The following PTGR1 variants were observed in gnomAD, a reference collection of about 807,000 sequenced individuals.
PTGR1 encodes 15-oxoprostaglandin 13-reductase.
A neutral mutation model predicts 37.7 loss-of-function variants in PTGR1; 23 were observed. That is an observed-to-expected ratio of 0.61 (90% CI 0.44 to 0.86). PTGR1 has a LOEUF of 0.86. Among genes scored for constraint, PTGR1 ranks in the 40% least tolerant of loss-of-function variants. The pLI, the probability that PTGR1 is intolerant of heterozygous loss-of-function variation, is 0.00. For missense variants in PTGR1, 351 were observed against 394.3 expected, an observed-to-expected ratio of 0.89 and a Z score of 0.93; for synonymous variants, 134 against 140.0, an observed-to-expected ratio of 0.96 and a Z score of 0.30.
At chr9:111,569,543 T>A (rs1251018100) in intron 9 of PTGR1, among the ~76,000 whole-genome samples, 2 of 152,130 alleles carry the variant, frequency 1.3e-5, no homozygotes, top group Non-Finnish European at 2.9e-5. Flanking sequence ...TTTGGGAGAC[T>A]GAGGCGGGCG....
At position 111,586,139 on chromosome 9, in the gene PTGR1, A is replaced by G; in HGVS notation, c.236T>C (p.Leu79Pro). ...AKVVESKNVA[L>P]PKGTIVLASP... ...AGCCAGTACAATAGTTCCTTTTGGT[A>G]GGGCTACATTTTTACTTTCCACAAC... The change falls in exon 5 of 10, where the codon CTA (leucine) becomes CCA (proline). Residue 79 changes from leucine (L) to proline (P), a missense_variant. By Grantham distance (98) the Leu-to-Pro change is moderately conservative. Coordinates refer to ENST00000407693, the MANE Select transcript of PTGR1 (RefSeq NM_001146108.2). 1.2e-6 allele frequency: 2 copies of G among 1,614,170 alleles called. No homozygotes were observed. Among genetic ancestry groups the G allele is most frequent in the Non-Finnish European group, 1.7e-6 (2 of 1,180,008 alleles).
intron 1 of PTGR1, among the ~76,000 whole-genome samples, chr9:111,598,590 G>A (rs999085324): frequency 1.3e-5 from 2 of 152,180 alleles, no homozygotes; most frequent in African/African-American, 4.8e-5. Context: ...CGTCTCCCGG[G>A]TTCAAGCGGT....
At position 111,587,831 on chromosome 9, in the gene PTGR1, T is replaced by C. The variant is rs1055850514; in HGVS notation, c.210-1666A>G. On this transcript the variant is annotated intron_variant, in intron 4 of 9. Coordinates refer to ENST00000407693, the MANE Select transcript of PTGR1 (RefSeq NM_001146108.2). ...TATCTGTCAACATTACGTTGGTCTATATAATTTATACTTTTTTCCATGTTA... is the reference window on the plus strand; with the variant it reads ...TATCTGTCAACATTACGTTGGTCTACATAATTTATACTTTTTTCCATGTTA... Among the ~76,000 whole-genome samples the C allele has an allele frequency of 3.3e-5, 5 of 152,200 alleles. No individual in the cohort carries two copies. In the East Asian group the frequency reaches 7.7e-4, roughly 23 times the overall value.
intron 7 of PTGR1, among the ~76,000 whole-genome samples, chr9:111,575,974 T>G (rs1027910615): frequency 4.0e-5 from 6 of 151,532 alleles, no homozygotes; most frequent in Admixed American, 2.6e-4. Flanking sequence ...GGCAACATAG[T>G]GAGACTCCAT....
chr9:111,550,223 C>G (rs928645573), intron 9 of PTGR1, among the ~76,000 whole-genome samples: 15 of 152,192 alleles, frequency 9.9e-5, no homozygotes, highest in African/African-American at 3.6e-4. Context: ...CCTAGATACA[C>G]AGTTTTTTGA....
At chr9:111,559,460 CTCTGATACACCA>C (rs1828213048), downstream of PTGR1, among the ~76,000 whole-genome samples, 1 of 152,152 alleles carries the variant, frequency 6.6e-6, no homozygotes, top group African/African-American at 2.4e-5. Flanking sequence ...TGTTGTTGGG[CTCTGATACACCA>C]TCTGGGAAAC....
chr9:111,551,406 T>G (rs930463483), intron 9 of PTGR1, among the ~76,000 whole-genome samples: 30 of 137,088 alleles, frequency 2.2e-4, no homozygotes, highest in East Asian at 8.4e-4. Context: ...TTTTGTTTTT[T>G]TTTTTTTTTT....
intron 8 of PTGR1, among the ~76,000 whole-genome samples, chr9:111,573,453 C>CT (rs1211911044): frequency 1.3e-5 from 2 of 152,126 alleles, no homozygotes; most frequent in Admixed American, 6.5e-5. Context: ...ACCAGTGGGG[C>CT]TATAAGGTTT....
At chr9:111,561,102 T>TAG (rs1448011286), downstream of PTGR1, among the ~76,000 whole-genome samples, 9 of 29,340 alleles carry the variant, frequency 3.1e-4, no homozygotes, top group East Asian at 5.0e-4. Context: ...TATATATATA[T>TAG]ATATATATAG....
chr9:111,588,643 G>C (rs1199432708), intron 4 of PTGR1, among the ~76,000 whole-genome samples: 7 of 151,788 alleles, frequency 4.6e-5, no homozygotes, highest in African/African-American at 1.7e-4. Flanking sequence ...CTCGTCCCTT[G>C]GCCCCCTGAA....
chr9:111,560,984 G>T (rs541508463), downstream of PTGR1, among the ~76,000 whole-genome samples: 127 of 60,820 alleles, frequency 2.1e-3, 2 homozygotes, highest in East Asian at 6.1e-3. Flanking sequence ...TAGAGAGAGA[G>T]AGAGAGAGAG....
chr9:111,564,111 C>A, intron 9 of PTGR1: 1 of 310,802 alleles, frequency 3.2e-6, no homozygotes, highest in South Asian at 1.2e-4. Flanking sequence ...AACTAATTTA[C>A]ATTTTCAGAT....
downstream of PTGR1, among the ~76,000 whole-genome samples, chr9:111,558,159 T>C (rs529193934): frequency 1.3e-5 from 2 of 152,122 alleles, no homozygotes; most frequent in Non-Finnish European, 2.9e-5. Flanking sequence ...AAAAAAAAAC[T>C]ATGGAAGTAC....
chr9:111,598,635 C>G (rs1829853791), intron 1 of PTGR1, among the ~76,000 whole-genome samples: 1 of 152,170 alleles, frequency 6.6e-6, no homozygotes, highest in African/African-American at 2.4e-5. Context: ...GCTGGGATTA[C>G]AGGCGCCCGC....
At chr9:111,580,126 G>A (rs1385882362) in intron 6 of PTGR1, among the ~76,000 whole-genome samples, 1 of 151,830 alleles carries the variant, frequency 6.6e-6, no homozygotes, top group African/African-American at 2.4e-5. Flanking sequence ...TCACTCTTAT[G>A]ACCTCCTTTA....
At chr9:111,557,212 A>G (rs2132298479) in intron 9 of PTGR1, among the ~76,000 whole-genome samples, 1 of 152,054 alleles carries the variant, frequency 6.6e-6, no homozygotes, top group Non-Finnish European at 1.5e-5. Flanking sequence ...CATCTCTACT[A>G]AAAATCCAAA....
At chr9:111,565,331 T>C (rs1160708602) in intron 9 of PTGR1, among the ~76,000 whole-genome samples, 1 of 152,140 alleles carries the variant, frequency 6.6e-6, no homozygotes, top group Non-Finnish European at 1.5e-5. Flanking sequence ...ACTTCTAGCC[T>C]CCAGAACTGT....
intron 9 of PTGR1, among the ~76,000 whole-genome samples, chr9:111,567,268 A>G (rs1349175482): frequency 6.6e-6 from 1 of 151,978 alleles, no homozygotes; most frequent in Non-Finnish European, 1.5e-5. Flanking sequence ...ACTCACTGCA[A>G]CCTCCGCCTC....
At chr9:111,569,626 G>A (rs1160658803) in intron 9 of PTGR1, among the ~76,000 whole-genome samples, 2 of 152,122 alleles carry the variant, frequency 1.3e-5, no homozygotes, top group Admixed American at 6.6e-5. Flanking sequence ...TTAGCTGGGC[G>A]TGGTGGTACA....
Sources: gnomAD v4.1 joint callset for allele counts (sites outside exome capture counted in the v4.1 genomes callset) on GRCh38, gnomAD v4.1.1 for gene constraint, MANE v1.5 for transcripts, NCBI Gene and HGNC (gene_info 2026-07-23, HGNC 2026-07-21) for gene names.